Variants in CLSTN1 observed in about 807,000 individuals in gnomAD.
The protein encoded by CLSTN1 is calsyntenin-1.
CLSTN1 carries 28 observed loss-of-function variants against 108.3 expected under a neutral mutation model. The ratio of observed to expected loss-of-function variants is 0.26; its 90% confidence interval spans 0.19 to 0.35. The LOEUF is 0.35. CLSTN1 is among the 10% of genes least tolerant of loss of function. The pLI is 1.00. For missense variants in CLSTN1, 1,157 were observed against 1,302.6 expected, an observed-to-expected ratio of 0.89 and a Z score of 1.72; for synonymous variants, 524 against 534.9, an observed-to-expected ratio of 0.98 and a Z score of 0.28.
In CLSTN1 at chr1:9,730,801, T is replaced by TGCCCCAGCGTCTCCC. The variant is rs960717667; in HGVS notation, c.2749-111_2749-97dup. On this transcript the variant is annotated intron_variant, in intron 18 of 18. Coordinates refer to ENST00000377298, the MANE Select transcript of CLSTN1 (RefSeq NM_001009566.3). The surrounding 1 kb of genome is among the most constrained non-coding windows in gnomAD (Gnocchi z 5.6). Reference sequence around the variant, plus strand: ...CGACAGCCACAGAGGAAGGAGAACTTGCCCCAGCGTCTCCCTCCCCAGCGA... The same window carrying TGCCCCAGCGTCTCCC: ...CGACAGCCACAGAGGAAGGAGAACTTGCCCCAGCGTCTCCCGCCCCAGCGTCTCCCTCCCCAGCGA... 1.4e-4 allele frequency: 162 copies of TGCCCCAGCGTCTCCC among 1,192,656 alleles called. No homozygotes were observed. The highest frequency in any genetic ancestry group is 1.8e-4 in the Non-Finnish European group (153 of 839,172). 73.9% of individuals were successfully genotyped at this position (1,192,656 alleles called of 1,614,324 possible).
At chr1:9,784,625 C>T (rs977124261) in intron 1 of CLSTN1, among the ~76,000 whole-genome samples, 9 of 152,174 alleles carry the variant, frequency 5.9e-5, no homozygotes, top group African/African-American at 2.2e-4. Context: ...AGACTGTTGG[C>T]GTCTCACCTA....
intron 1 of CLSTN1, among the ~76,000 whole-genome samples, chr1:9,815,736 G>C (rs912225175): frequency 6.6e-6 from 1 of 152,166 alleles, no homozygotes; most frequent in Non-Finnish European, 1.5e-5. Context: ...AGGAGTTGGA[G>C]ACCAGCCTGG....
chr1:9,738,931 T>TA (rs1650833341), intron 10 of CLSTN1, among the ~76,000 whole-genome samples: 1 of 152,158 alleles, frequency 6.6e-6, no homozygotes, highest in African/African-American at 2.4e-5. Flanking sequence ...GGATTACAGG[T>TA]GTGAGCCACT....
rs571952709 is a variant in CLSTN1, at chr1:9,787,505, G to A, written c.92-14111C>T. 8.6e-4 allele frequency among the ~76,000 whole-genome samples: 127 copies of A among 148,098 alleles called. 1 individual carries two copies. Among genetic ancestry groups the A allele is most frequent in the African/African-American group, 2.7e-3 (111 of 40,424 alleles). On this transcript the variant is annotated intron_variant, in intron 1 of 18. Transcript: ENST00000377298. The stretch of plus-strand genomic sequence containing the variant: ...TGCAAGCTCCGCCTCCCGGGTTCAC[G>A]CCATTCTCCTGCCTCAGCCTCCCGG...
intron 11 of CLSTN1, 128 bp downstream of exon 11, chr1:9,737,370 G>T (rs1434703017): frequency 2.8e-5 from 23 of 813,456 alleles, no homozygotes; most frequent in Non-Finnish European, 4.3e-5. Context: ...GAAGCGCAAT[G>T]CAGGGAAGCA....
intron 15 of CLSTN1, 59 bp downstream of exon 15, chr1:9,733,913 G>GT: frequency 6.6e-7 from 1 of 1,521,798 alleles, no homozygotes; most frequent in Non-Finnish European, 8.9e-7. Context: ...CCAGCCAAGA[G>GT]CTCTCAAAGT....
chr1:9,777,113 G>A (rs1418838792), intron 1 of CLSTN1, among the ~76,000 whole-genome samples: 1 of 150,904 alleles, frequency 6.6e-6, no homozygotes, highest in Non-Finnish European at 1.5e-5. Context: ...CCAGCTTCTC[G>A]GGCGGCTGAG....
chr1:9,781,069 A>G, intron 1 of CLSTN1: 1 of 656,628 alleles, frequency 1.5e-6, no homozygotes, highest in Non-Finnish European at 2.7e-6. Context: ...TGTACTAATC[A>G]CACATTCTGC....
intron 16 of CLSTN1, among the ~76,000 whole-genome samples, chr1:9,732,479 CA>C (rs1650459137): frequency 6.6e-6 from 1 of 152,360 alleles, no homozygotes; most frequent in Non-Finnish European, 1.5e-5. Flanking sequence ...CCTTTTTCCT[CA>C]AATCACAGCC....
intron 2 of CLSTN1, among the ~76,000 whole-genome samples, chr1:9,759,496 A>T (rs1651966423): frequency 1.3e-5 from 2 of 152,164 alleles, no homozygotes; most frequent in Admixed American, 1.3e-4. Context: ...GTTAGCCAGG[A>T]TGGTCTTGAT....
At chr1:9,784,939 C>T (rs1346668602) in intron 1 of CLSTN1, among the ~76,000 whole-genome samples, 1 of 150,052 alleles carries the variant, frequency 6.7e-6, no homozygotes, top group Non-Finnish European at 1.5e-5. Flanking sequence ...GTTTTAAAAT[C>T]AAAATATAAA....
Position 9,735,890 on chromosome 1 carries a change from C to G in CLSTN1, c.1729G>C (p.Val577Leu), listed in dbSNP as rs780890059. Reference sequence around the variant, plus strand: ...AGTCGAGCGCTCGGTGTTACCTGCACGCCTCTGCCACTGTCTTCGAGGACC... The same window carrying G: ...AGTCGAGCGCTCGGTGTTACCTGCAGGCCTCTGCCACTGTCTTCGAGGACC... ...LQVLEDSGRG[V>L]QIQAHPSQLV... The change falls in exon 12 of 19, where the codon GTG becomes CTG. Residue 577 changes from valine (V) to leucine (L), a missense_variant. Physicochemically the swap from Val to Leu is conservative, Grantham distance 32. Coordinates refer to ENST00000377298, the MANE Select transcript of CLSTN1 (RefSeq NM_001009566.3). 3.7e-6 allele frequency: 6 copies of G among 1,614,056 alleles called. No individual in the cohort carries two copies. Among genetic ancestry groups the G allele is most frequent in the East Asian group, 2.2e-5 (1 of 44,884 alleles).
At chr1:9,818,016 T>G (rs1195233658) in intron 1 of CLSTN1, among the ~76,000 whole-genome samples, 1 of 150,420 alleles carries the variant, frequency 6.6e-6, no homozygotes, top group Non-Finnish European at 1.5e-5. Flanking sequence ...TTTTTTTTTT[T>G]TTTTTTTAGA....
intron 9 of CLSTN1, among the ~76,000 whole-genome samples, chr1:9,741,561 C>T (rs1458932141): frequency 6.6e-6 from 1 of 152,170 alleles, no homozygotes; most frequent in Admixed American, 6.5e-5. Flanking sequence ...TGGATACCCA[C>T]CCTCGAAAGG....
At chr1:9,761,570 C>T (rs535641092) in intron 2 of CLSTN1, among the ~76,000 whole-genome samples, 5 of 152,102 alleles carry the variant, frequency 3.3e-5, no homozygotes, top group Non-Finnish European at 2.9e-5. Flanking sequence ...AATGGATGAA[C>T]CCAACAAAGT....
Position 9,749,803 on chromosome 1 carries a change from T to G in CLSTN1, c.760A>C (p.Lys254Gln). 1.2e-6 allele frequency: 2 copies of G among 1,614,186 alleles called. No individual in the cohort carries two copies. Among genetic ancestry groups the G allele is most frequent in the Non-Finnish European group, 8.5e-7 (1 of 1,180,040 alleles). The change falls in exon 6 of 19, where the codon AAG (lysine) becomes CAG (glutamine). Residue 254 changes from lysine (K) to glutamine (Q), a missense_variant. Transcript: ENST00000377298. ...GTGCAGGTGGGCTTAATGCTGATCT[T>G]CACCAAAACATCTTCTGTGGCTCTT... is the stretch of plus-strand genomic sequence containing the variant. ...KKRATEDVLV[K>Q]ISIKPTCTPG... is the part of the protein sequence containing the mutation.
chr1:9,793,718 T>G (rs1006181446), intron 1 of CLSTN1, among the ~76,000 whole-genome samples: 1 of 151,546 alleles, frequency 6.6e-6, no homozygotes. Context: ...GAGATTAACT[T>G]GCAAGCAGCA....
intron 17 of CLSTN1, 77 bp from the exon 18 acceptor site, chr1:9,731,467 G>C: frequency 6.8e-7 from 1 of 1,477,452 alleles, no homozygotes; most frequent in Admixed American, 1.8e-5. Context: ...CCTCGGCTGT[G>C]CCTGGTCAAA....
At chr1:9,797,113 A>C (rs1654043907) in intron 1 of CLSTN1, among the ~76,000 whole-genome samples, 1 of 152,188 alleles carries the variant, frequency 6.6e-6, no homozygotes, top group South Asian at 2.1e-4. Flanking sequence ...TGCTAGCCCC[A>C]TGCTACTCCA....
Sources: gnomAD v4.1 joint callset for allele counts (sites outside exome capture counted in the v4.1 genomes callset) on GRCh38, gnomAD v4.1.1 for gene constraint, Gnocchi (gnomAD v3.1) non-coding constraint, MANE v1.5 for transcripts, NCBI Gene and HGNC (gene_info 2026-07-23, HGNC 2026-07-21) for gene names.